The following HELQ variants were observed in gnomAD, a reference collection of about 807,000 sequenced individuals.
The protein encoded by HELQ is helicase POLQ-like.
Under a neutral mutation model 111.6 loss-of-function variants are expected in HELQ, and 77 were observed. That is an observed-to-expected ratio of 0.69 (90% confidence interval 0.57 to 0.83). HELQ has a LOEUF of 0.83. Among genes scored for constraint, HELQ ranks in the 40% least tolerant of loss-of-function variants. The probability of loss-of-function intolerance (pLI) is 0.00; values close to 1 mark genes in which losing one functional copy is unlikely to be tolerated. For missense variants in HELQ, 1,200 were observed against 1,288.5 expected (o/e 0.93, Z 1.05); for synonymous variants, 438 against 454.7 (o/e 0.96, Z 0.47).
chr4:83,421,929 A>G (rs1228034490), intron 14 of HELQ, among the ~76,000 whole-genome samples, 193 bp from the exon 15 acceptor site: 2 of 152,196 alleles, frequency 1.3e-5, no homozygotes, highest in African/African-American at 4.8e-5. Context: ...CAACTACAAT[A>G]AAAAGATAAG....
At position 83,426,097 on chromosome 4, in the gene HELQ, A is replaced by C. The variant is rs1230698383; in HGVS notation, c.2677-5T>G. 2 of 1,513,080 alleles carry C rather than the reference A, an allele frequency of 1.3e-6. No homozygotes were observed. The highest frequency in any genetic ancestry group is 1.2e-5 in the South Asian group (1 of 85,784). 93.7% of individuals were successfully genotyped at this position (1,513,080 alleles called of 1,614,324 possible). ...TGCTGGACTGAGTTGGCTAAACTAC[A>C]TGGAAAAAGAGCAAATAGATGGAAA... is the stretch of plus-strand genomic sequence containing the variant. On this transcript the variant is annotated splice_region_variant and splice_polypyrimidine_tract_variant and intron_variant, in intron 13 of 17. Transcript: ENST00000295488.
chr4:83,430,570 A>T (rs1209953475), intron 11 of HELQ, among the ~76,000 whole-genome samples: 2 of 152,238 alleles, frequency 1.3e-5, no homozygotes, highest in Non-Finnish European at 2.9e-5. Context: ...TGAAATCAGC[A>T]TGTTATACTA....
intron 17 of HELQ, among the ~76,000 whole-genome samples, chr4:83,412,690 G>A (rs149196168): frequency 2.0e-5 from 3 of 152,164 alleles, no homozygotes; most frequent in Non-Finnish European, 4.4e-5. Context: ...AGCCAGGCGT[G>A]GCACCTGTCT....
At chr4:83,419,161 A>ATT (rs34131623) in intron 15 of HELQ, among the ~76,000 whole-genome samples, 95 of 135,790 alleles carry the variant, frequency 7.0e-4, no homozygotes, top group African/African-American at 2.3e-3. Flanking sequence ...ACACCATGAG[A>ATT]TTTTTTTTTT....
chr4:83,409,713 T>C (rs1473458079), intron 17 of HELQ, among the ~76,000 whole-genome samples: 1 of 150,374 alleles, frequency 6.7e-6, no homozygotes, highest in East Asian at 2.0e-4. Context: ...TGAGGAGGAG[T>C]AGAAATGCTC....
intron 12 of HELQ, among the ~76,000 whole-genome samples, chr4:83,428,750 T>C (rs1719975955): frequency 6.6e-6 from 1 of 151,942 alleles, no homozygotes; most frequent in Admixed American, 6.6e-5. Context: ...GAGACCACCC[T>C]GGCAAACATA....
At chr4:83,424,431 T>C (rs367568247) in intron 14 of HELQ, among the ~76,000 whole-genome samples, 2 of 152,196 alleles carry the variant, frequency 1.3e-5, no homozygotes, top group East Asian at 1.9e-4. Context: ...ACAGATACTT[T>C]TATTTTTATT....
rs1486721820 is a variant in HELQ at position 83,446,013 on chromosome 4, C to G, written c.1465+1G>C. ...ATGACCTCATTTGAAAAAATACTTA[C>G]TGCTAGTGTAGAGGATTTTTGCTAG... On this transcript the variant is annotated splice_donor_variant, in intron 5 of 17. Coordinates refer to ENST00000295488, the MANE Select transcript of HELQ (RefSeq NM_133636.5). LOFTEE classifies it high-confidence loss of function. The G allele has an allele frequency of 1.9e-6, 3 of 1,588,582 alleles. No individual in the cohort carries two copies. The Admixed American group carries it at 5.0e-5, about 27-fold the overall frequency.
At position 83,453,797 on chromosome 4, in the gene HELQ, C is replaced by A; in HGVS notation, c.446G>T (p.Cys149Phe). 6.2e-7 allele frequency: 1 copy of A among 1,614,066 alleles called. No individual in the cohort carries two copies. Among genetic ancestry groups the A allele is most frequent in the Non-Finnish European group, 8.5e-7 (1 of 1,180,018 alleles). The change falls in exon 2 of 18, where the codon TGC (cysteine) becomes TTC (phenylalanine). Residue 149 changes from cysteine (C) to phenylalanine (F), a missense_variant. Physicochemically the swap from Cys to Phe is radical, Grantham distance 205. This residue lies in a region of HELQ where 610 missense variants were observed against 607.1 expected (regional missense o/e 1.00). Transcript: ENST00000295488. Reference sequence around the variant, plus strand: ...GAGTTTGTTTTTGATACTTTCCGAGCAAAGATTTTCAGTGGCAAAGTCTGT... The same window carrying A: ...GAGTTTGTTTTTGATACTTTCCGAGAAAAGATTTTCAGTGGCAAAGTCTGT... ...HATDFATENL[C>F]SESIKNKLSI...
At chr4:83,431,955 A>T (rs1394183919) in intron 10 of HELQ, among the ~76,000 whole-genome samples, 171 bp downstream of exon 10, 1 of 152,120 alleles carries the variant, frequency 6.6e-6, no homozygotes, top group Non-Finnish European at 1.5e-5. Context: ...ATATTTTTTC[A>T]TTGTCTGAAA....
chr4:83,453,335 T>G lies in HELQ; in HGVS notation c.908A>C (p.Lys303Thr). The change falls in exon 2 of 18, where the codon AAG (lysine) becomes ACG (threonine). Residue 303 changes from lysine (K) to threonine (T), a missense_variant. Around this residue, in one of 3 missense-constraint regions of HELQ, gnomAD observed 610 missense variants for 607.1 expected, o/e 1.00. Transcript: ENST00000295488. Reference protein sequence around the residue: ...TLLSEEINVAKKTVESSSNDL... With the variant: ...TLLSEEINVATKTVESSSNDL... ...ATTTGATGATGACTCAACTGTTTTCTTAGCAACATTAATTTCCTCAGATAG... is the reference window on the plus strand; with the variant it reads ...ATTTGATGATGACTCAACTGTTTTCGTAGCAACATTAATTTCCTCAGATAG... 1.2e-6 allele frequency: 2 copies of G among 1,613,686 alleles called. No homozygotes were observed. Among genetic ancestry groups the G allele is most frequent in the Non-Finnish European group, 1.7e-6 (2 of 1,179,848 alleles).
chr4:83,455,246 G>A (rs1347686379), intron 1 of HELQ, 151 bp downstream of exon 1: 64 of 1,450,048 alleles, frequency 4.4e-5, no homozygotes, highest in Non-Finnish European at 5.7e-5. Flanking sequence ...ATATAGAAAT[G>A]TAAATAACAA....
intron 17 of HELQ, among the ~76,000 whole-genome samples, chr4:83,410,978 C>A (rs1396334367): frequency 6.7e-6 from 1 of 150,056 alleles, no homozygotes; most frequent in Non-Finnish European, 1.5e-5. Flanking sequence ...TGGAGAAACC[C>A]CATCTCTAAA....
At position 83,427,641 on chromosome 4, in the gene HELQ, A is replaced by G. The variant is rs1210199611; in HGVS notation, c.2598T>C (p.Leu866=). The G allele has an allele frequency of 6.2e-7, 1 of 1,607,738 alleles. No homozygotes were observed. Among genetic ancestry groups the G allele is most frequent in the Admixed American group, 1.7e-5 (1 of 58,924 alleles). Residue 866 remains leucine, a synonymous_variant, in exon 13 of 18, where the codon CTT becomes CTC. Coordinates refer to ENST00000295488, the MANE Select transcript of HELQ (RefSeq NM_133636.5). ...GGGTTGTTAGGTAGATTAGATGAAG[A>G]AGGCTTTCAAGCACAAGTCCTTCAA... is the stretch of plus-strand genomic sequence containing the variant. ...KGLEGLVLES[L]LHLIYLTTPY...
Position 83,446,834 on chromosome 4 carries a change from C to G in HELQ, c.1392+1G>C. ...GACAAATTACAAAAGTATTAACCAACCTCGTCTACAACAACCAGACCCAGA... is the reference window on the plus strand; with the variant it reads ...GACAAATTACAAAAGTATTAACCAAGCTCGTCTACAACAACCAGACCCAGA... On this transcript the variant is annotated splice_donor_variant, in intron 4 of 17. Coordinates refer to ENST00000295488, the MANE Select transcript of HELQ (RefSeq NM_133636.5). LOFTEE classifies it high-confidence loss of function. The G allele has an allele frequency of 6.3e-7, 1 of 1,594,336 alleles. No individual in the cohort carries two copies. The highest frequency in any genetic ancestry group is 8.6e-7 in the Non-Finnish European group (1 of 1,164,988).
At chr4:83,414,758 A>G (rs556507467) in intron 17 of HELQ, among the ~76,000 whole-genome samples, 4 of 152,300 alleles carry the variant, frequency 2.6e-5, no homozygotes, top group South Asian at 2.1e-4. Context: ...TTAGAAAATC[A>G]CCTCTTGATA....
chr4:83,445,737 T>C (rs1175378289), intron 5 of HELQ, among the ~76,000 whole-genome samples: 1 of 152,246 alleles, frequency 6.6e-6, no homozygotes, highest in Admixed American at 6.5e-5. Context: ...ATCAGGCTGG[T>C]ACCATTATTA....
chr4:83,437,651 C>T (rs773798567), intron 8 of HELQ, among the ~76,000 whole-genome samples: 3 of 143,134 alleles, frequency 2.1e-5, no homozygotes, highest in Non-Finnish European at 4.6e-5. Context: ...TACATAAATA[C>T]AACACTTTAC....
chr4:83,455,362 A>G, intron 1 of HELQ, 35 bp downstream of exon 1: 1 of 1,597,984 alleles, frequency 6.3e-7, no homozygotes, highest in Non-Finnish European at 8.6e-7. Context: ...AAGGATGCCA[A>G]AAGTTTGCAG....
Sources: allele counts gnomAD v4.1 joint callset (sites outside exome capture counted in the v4.1 genomes callset), GRCh38; gene constraint gnomAD v4.1.1; regional missense constraint gnomAD v4.1.1; transcripts MANE v1.5; gene names NCBI Gene and HGNC (gene_info 2026-07-23, HGNC 2026-07-21).